The following DTNBP1 variants were observed in gnomAD, a reference collection of about 807,000 sequenced individuals.
DTNBP1 encodes dysbindin.
Under a neutral mutation model 42.8 loss-of-function variants are expected in DTNBP1, and 35 were observed. That is an observed-to-expected ratio of 0.82 (90% confidence interval 0.63 to 1.09). DTNBP1 has a LOEUF of 1.09. Among genes scored for constraint, DTNBP1 ranks in the 50% least tolerant of loss-of-function variants. DTNBP1 has a pLI of 0.00. For synonymous variants in DTNBP1, 171 were observed against 162.2 expected (o/e 1.05, Z -0.41); for missense variants, 457 against 424.2 (o/e 1.08, Z -0.68).
chr6:15,655,969 T>C (rs552249753), intron 1 of DTNBP1, among the ~76,000 whole-genome samples: 1 of 152,252 alleles, frequency 6.6e-6, no homozygotes, highest in African/African-American at 2.4e-5. Flanking sequence ...GTGAAGGAAA[T>C]ACTGACCTAG....
rs771084025 is a variant in DTNBP1 at position 15,637,768 on chromosome 6, G to C, written c.198C>G (p.Ala66=). 6.2e-7 allele frequency: 1 copy of C among 1,613,594 alleles called. No homozygotes were observed. The highest frequency in any genetic ancestry group is 8.5e-7 in the Non-Finnish European group (1 of 1,180,008). ...EDTWAALHRR[A]KDCASAGELV... The stretch of plus-strand genomic sequence containing the variant: ...CCTCTCCAGCACTTGCACAGTCTTT[G>C]GCTCTTCTGTGAAGTGCAGCCCATG... The change falls in exon 4 of 10, where the codon GCC becomes GCG. Residue 66 remains alanine (A), a synonymous_variant. Coordinates refer to ENST00000344537, the MANE Select transcript of DTNBP1 (RefSeq NM_032122.5).
intron 8 of DTNBP1, among the ~76,000 whole-genome samples, chr6:15,527,146 G>A (rs915091372): frequency 6.6e-6 from 1 of 152,204 alleles, no homozygotes; most frequent in African/African-American, 2.4e-5. Flanking sequence ...TTGGGATAAA[G>A]AGTAGTACTT....
intron 7 of DTNBP1, among the ~76,000 whole-genome samples, chr6:15,566,737 A>G (rs1029669551): frequency 4.1e-5 from 5 of 123,290 alleles, no homozygotes; most frequent in South Asian, 2.4e-4. Flanking sequence ...GTCTCTCTCT[A>G]TCGTTCAGGA....
chr6:15,650,557 T>G (rs1240804685), intron 3 of DTNBP1, among the ~76,000 whole-genome samples: 2 of 152,120 alleles, frequency 1.3e-5, no homozygotes, highest in Non-Finnish European at 2.9e-5. Flanking sequence ...GCTGGGATTA[T>G]AGGTATGAGC....
At chr6:15,580,139 C>T (rs1259505872) in intron 7 of DTNBP1, among the ~76,000 whole-genome samples, 1 of 152,132 alleles carries the variant, frequency 6.6e-6, no homozygotes, top group African/African-American at 2.4e-5. Context: ...TCTACAAGTA[C>T]ACTAAAACTG....
At chr6:15,585,308 G>A (rs1255588428) in intron 7 of DTNBP1, among the ~76,000 whole-genome samples, 1 of 150,988 alleles carries the variant, frequency 6.6e-6, no homozygotes, top group African/African-American at 2.4e-5. Context: ...TAGTTTTATG[G>A]AGCTGTACCA....
chr6:15,632,617 C>T (rs1210380299), intron 4 of DTNBP1, among the ~76,000 whole-genome samples: 1 of 152,140 alleles, frequency 6.6e-6, no homozygotes, highest in Admixed American at 6.5e-5. Context: ...TCAAACACTG[C>T]AGGTTTTTGG....
At chr6:15,653,848 T>C (rs1372993042) in intron 1 of DTNBP1, among the ~76,000 whole-genome samples, 1 of 152,268 alleles carries the variant, frequency 6.6e-6, no homozygotes, top group Non-Finnish European at 1.5e-5. Context: ...CCAGACACTT[T>C]ACTGCCATCA....
intron 8 of DTNBP1, 52 bp from the exon 9 acceptor site, chr6:15,524,721 A>G: frequency 6.2e-7 from 1 of 1,600,678 alleles, no homozygotes. Flanking sequence ...TATTACTTTA[A>G]AAGGTGAACT....
intron 7 of DTNBP1, among the ~76,000 whole-genome samples, chr6:15,589,809 C>T (rs1776221161): frequency 6.6e-6 from 1 of 152,168 alleles, no homozygotes; most frequent in Non-Finnish European, 1.5e-5. Context: ...ATGACTCCTT[C>T]AATATCTTCA....
rs1050018621 is a variant in DTNBP1 at position 15,638,133 on chromosome 6, AT to A, written c.162-330del. On this transcript the variant is annotated intron_variant, in intron 3 of 9. Coordinates refer to ENST00000344537, the MANE Select transcript of DTNBP1 (RefSeq NM_032122.5). ...CCTTATAATAGAAATCCAATTAGTA[AT>A]TTTTTTTTTTTGAGATGGAGTTTCA... Among the ~76,000 whole-genome samples, 66 of 147,772 alleles carry A rather than the reference AT, an allele frequency of 4.5e-4. No individual in the cohort carries two copies. The East Asian group carries it at 5.7e-3, about 13-fold the overall frequency.
chr6:15,566,343 G>GC (rs371199463), intron 7 of DTNBP1, among the ~76,000 whole-genome samples: 3 of 146,252 alleles, frequency 2.1e-5, no homozygotes, highest in African/African-American at 5.0e-5. Context: ...AAAATTCTAA[G>GC]CCCCCCAAAT....
At chr6:15,592,939 A>G in intron 7 of DTNBP1, 120 bp downstream of exon 7, 1 of 1,050,794 alleles carries the variant, frequency 9.5e-7, no homozygotes, top group Non-Finnish European at 1.4e-6. Context: ...AAACAGTATT[A>G]AGTTTTACTG....
chr6:15,652,499 C>T (rs1761059959), intron 1 of DTNBP1, among the ~76,000 whole-genome samples: 1 of 151,848 alleles, frequency 6.6e-6, no homozygotes. Flanking sequence ...TTTTCAACCA[C>T]AAATTTTCAC....
intron 9 of DTNBP1, chr6:15,524,232 C>G (rs530854989): frequency 1.3e-6 from 2 of 1,558,394 alleles, no homozygotes; most frequent in East Asian, 2.4e-5. Flanking sequence ...AAGGAGCAGA[C>G]TCAAATGGAT....
intron 3 of DTNBP1, among the ~76,000 whole-genome samples, chr6:15,641,324 A>G (rs1276259545): frequency 6.6e-6 from 1 of 152,202 alleles, no homozygotes; most frequent in African/African-American, 2.4e-5. Context: ...AATTCTAGAC[A>G]GAAAACTGAG....
At position 15,523,065 on chromosome 6, in the gene DTNBP1, A is replaced by G. The variant is rs781226754; in HGVS notation, c.966T>C (p.Asp322=). ...EGGESPVVQS[D]EEEVQVDTAL... ...CAGTGTCCACCTGAACTTCCTCCTCATCGGACTGAACAACGGGGGACTCCC... is the reference window on the plus strand; with the variant it reads ...CAGTGTCCACCTGAACTTCCTCCTCGTCGGACTGAACAACGGGGGACTCCC... The change falls in exon 10 of 10, where the codon GAT becomes GAC. Residue 322 remains aspartate, a synonymous_variant. Coordinates refer to ENST00000344537, the MANE Select transcript of DTNBP1 (RefSeq NM_032122.5). 2.5e-6 allele frequency: 4 copies of G among 1,614,098 alleles called. No homozygotes were observed. The highest frequency in any genetic ancestry group is 1.3e-5 in the African/African-American group (1 of 75,012).
At chr6:15,644,757 C>T (rs1760575930) in intron 3 of DTNBP1, among the ~76,000 whole-genome samples, 1 of 151,528 alleles carries the variant, frequency 6.6e-6, no homozygotes, top group African/African-American at 2.4e-5. Context: ...CACAACATAC[C>T]AAAACCTCTG....
chr6:15,531,941 G>T (rs1337338350), intron 8 of DTNBP1, among the ~76,000 whole-genome samples: 1 of 152,190 alleles, frequency 6.6e-6, no homozygotes, highest in Non-Finnish European at 1.5e-5. Flanking sequence ...CTCATTCTCG[G>T]ATTTCTTTAA....
Sources: gnomAD v4.1 joint callset for allele counts (sites outside exome capture counted in the v4.1 genomes callset) on GRCh38, gnomAD v4.1.1 for gene constraint, MANE v1.5 for transcripts, NCBI Gene and HGNC (gene_info 2026-07-23, HGNC 2026-07-21) for gene names.